Variants in FER observed in about 807,000 individuals in gnomAD.
FER encodes the protein FER tyrosine kinase, also known as tyrosine-protein kinase Fer.
In FER, 63 loss-of-function variants were observed where a neutral mutation model predicts 111.0. The ratio of observed to expected loss-of-function variants is 0.57; its 90% CI spans 0.46 to 0.70. The LOEUF (loss-of-function observed/expected upper bound fraction) is 0.70. Ranked by LOEUF, FER falls within the 30% of genes least tolerant of loss-of-function variation. The pLI, the probability that FER is intolerant of heterozygous loss-of-function variation, is 0.00. For synonymous variants in FER, 327 were observed against 313.9 expected, an observed-to-expected ratio of 1.04 and a Z score of -0.44; for missense variants, 914 against 954.0, an observed-to-expected ratio of 0.96 and a Z score of 0.55.
intron 13 of FER, among the ~76,000 whole-genome samples, chr5:109,028,392 A>G (rs1769092420): frequency 1.3e-5 from 2 of 152,220 alleles, no homozygotes; most frequent in African/African-American, 4.8e-5. Context: ...TTAAAATAGA[A>G]TTTATAACCC....
intron 10 of FER, among the ~76,000 whole-genome samples, chr5:108,917,644 A>AC (rs1377606084): frequency 6.6e-6 from 1 of 152,226 alleles, no homozygotes; most frequent in Non-Finnish European, 1.5e-5. Flanking sequence ...ACCAAAGAAC[A>AC]CAAGGGAAGC....
intron 6 of FER, among the ~76,000 whole-genome samples, chr5:108,870,784 G>A (rs1764527314): frequency 6.6e-6 from 1 of 152,116 alleles, no homozygotes; most frequent in Non-Finnish European, 1.5e-5. Flanking sequence ...CTCTGCGACA[G>A]AATAGTTTTT....
chr5:108,893,401 G>A (rs1748494962), intron 9 of FER, among the ~76,000 whole-genome samples: 1 of 150,748 alleles, frequency 6.6e-6, no homozygotes, highest in African/African-American at 2.4e-5. Context: ...GATCTCAAAG[G>A]TTTTCTTCTT....
At chr5:108,879,255 A>C (rs1765396300) in intron 8 of FER, among the ~76,000 whole-genome samples, 1 of 152,006 alleles carries the variant, frequency 6.6e-6, no homozygotes, top group Non-Finnish European at 1.5e-5. Flanking sequence ...ATTTTATTTT[A>C]TTTAAGTTCC....
intron 17 of FER, among the ~76,000 whole-genome samples, chr5:109,107,479 C>T (rs1749084453): frequency 1.3e-5 from 2 of 152,048 alleles, no homozygotes; most frequent in African/African-American, 4.8e-5. Context: ...CCTCTCCCTC[C>T]CTCCACCCTC....
chr5:108,776,959 C>G (rs1377635592), intron 2 of FER, among the ~76,000 whole-genome samples: 1 of 152,124 alleles, frequency 6.6e-6, no homozygotes, highest in Non-Finnish European at 1.5e-5. Flanking sequence ...CTGTTTCTGC[C>G]TGATTTATAC....
chr5:108,808,810 G>A (rs1232289286), intron 3 of FER, among the ~76,000 whole-genome samples: 1 of 152,094 alleles, frequency 6.6e-6, no homozygotes, highest in Non-Finnish European at 1.5e-5. Flanking sequence ...GCACTTGCTT[G>A]TCCGGAAAAT....
chr5:109,140,379 T>A (rs1753395934), intron 17 of FER, among the ~76,000 whole-genome samples: 1 of 152,210 alleles, frequency 6.6e-6, no homozygotes, highest in African/African-American at 2.4e-5. Flanking sequence ...CATCTTGTGC[T>A]CTTATTGGCC....
chr5:109,018,776 T>C (rs1170832388), intron 13 of FER, among the ~76,000 whole-genome samples: 1 of 151,724 alleles, frequency 6.6e-6, no homozygotes, highest in South Asian at 2.1e-4. Flanking sequence ...GTAAGCAAAA[T>C]ATGAACCTTT....
chr5:108,975,747 G>A (rs1201192465), intron 13 of FER, among the ~76,000 whole-genome samples: 1 of 152,110 alleles, frequency 6.6e-6, no homozygotes, highest in Non-Finnish European at 1.5e-5. Flanking sequence ...TATTTGTGGG[G>A]GTGTTGATTG....
At chr5:108,820,206 C>A (rs767562631) in intron 3 of FER, 55 of 985,232 alleles carry the variant, frequency 5.6e-5, no homozygotes, top group Non-Finnish European at 6.6e-5. Flanking sequence ...GGAATCTTCT[C>A]TGGACGTGAG....
chr5:108,867,376 A>G lies in FER; in HGVS notation c.482-391A>G, dbSNP rs144013781. ...CCTCTGACTACCCTTGTCTTTGTTG[A>G]TATCTCAAACATAGACCTCAAAATT... On this transcript the variant is annotated intron_variant, in intron 5 of 19. Coordinates refer to ENST00000281092, the MANE Select transcript of FER (RefSeq NM_005246.4). Among the ~76,000 whole-genome samples, 1,171 of 152,184 alleles carry G rather than the reference A, an allele frequency of 7.7e-3. 15 individuals carry two copies. Among genetic ancestry groups the G allele is most frequent in the African/African-American group, 0.026 (1,092 of 41,542 alleles).
intron 13 of FER, among the ~76,000 whole-genome samples, chr5:108,987,081 T>C (rs1231196985): frequency 1.3e-5 from 2 of 152,166 alleles, no homozygotes; most frequent in Non-Finnish European, 2.9e-5. Context: ...TCCATAAGCT[T>C]GAGATGTGTT....
intron 1 of FER, among the ~76,000 whole-genome samples, chr5:108,759,118 T>G (rs1469173271): frequency 6.6e-6 from 1 of 152,178 alleles, no homozygotes; most frequent in Non-Finnish European, 1.5e-5. Flanking sequence ...CCAGTATAAT[T>G]AATTGTAGTA....
chr5:109,146,288 A>ATATATATATATATATATC (rs1554148405), intron 17 of FER, among the ~76,000 whole-genome samples: 1 of 115,436 alleles, frequency 8.7e-6, no homozygotes, highest in Non-Finnish European at 1.8e-5. Context: ...ATATATATAT[A>ATATATATATATATATATC]TATCTTGGGT....
chr5:108,989,287 A>G (rs997906810), intron 13 of FER, among the ~76,000 whole-genome samples: 14 of 152,114 alleles, frequency 9.2e-5, no homozygotes, highest in African/African-American at 3.1e-4. Flanking sequence ...ATGAAGATGG[A>G]TAATGCTGAT....
intron 1 of FER, among the ~76,000 whole-genome samples, chr5:108,767,707 C>T (rs969646124): frequency 6.6e-5 from 10 of 152,222 alleles, no homozygotes; most frequent in African/African-American, 2.4e-4. Flanking sequence ...GCCTCGAACT[C>T]CTGTACTCAG....
At chr5:108,991,456 A>C (rs535984407) in intron 13 of FER, among the ~76,000 whole-genome samples, 10 of 149,058 alleles carry the variant, frequency 6.7e-5, no homozygotes, top group African/African-American at 2.6e-4. Flanking sequence ...ATCCATATGT[A>C]AGGTTTTATA....
chr5:109,110,370 A>G (rs1359674054), intron 17 of FER, among the ~76,000 whole-genome samples: 2 of 152,144 alleles, frequency 1.3e-5, no homozygotes, highest in African/African-American at 2.4e-5. Context: ...CCCAAAGGAG[A>G]TAAAAGAGTG....
Sources: allele counts gnomAD v4.1 joint callset (sites outside exome capture counted in the v4.1 genomes callset), GRCh38; gene constraint gnomAD v4.1.1; transcripts MANE v1.5; gene names NCBI Gene and HGNC (gene_info 2026-07-23, HGNC 2026-07-21).